The following PARVB variants were observed in gnomAD, a reference collection of about 807,000 sequenced individuals.
The protein encoded by PARVB is parvin beta, also known as beta-parvin.
A neutral mutation model predicts 47.0 loss-of-function variants in PARVB; 46 were observed. The observed-to-expected ratio is 0.98, with a 90% CI of 0.77 to 1.25. The LOEUF (loss-of-function observed/expected upper bound fraction) is 1.25, where lower values mean the gene tolerates loss of function less well. Among genes scored for constraint, PARVB ranks in the 50% most tolerant of loss-of-function variants. The pLI, the probability that PARVB is intolerant of heterozygous loss-of-function variation, is 0.00. For missense variants in PARVB, 473 were observed against 471.6 expected, an observed-to-expected ratio of 1.00 and a Z score of -0.03; for synonymous variants, 196 against 196.3, an observed-to-expected ratio of 1.00 and a Z score of 0.01.
At chr22:44,121,298 A>G (rs2053041883) in intron 4 of PARVB, among the ~76,000 whole-genome samples, 1 of 152,144 alleles carries the variant, frequency 6.6e-6, no homozygotes, top group Non-Finnish European at 1.5e-5. Context: ...TACCATGCTC[A>G]GCCCTTCTTT....
intron 1 of PARVB, among the ~76,000 whole-genome samples, chr22:44,082,004 A>C (rs1312112320): frequency 6.6e-6 from 1 of 152,226 alleles, no homozygotes; most frequent in Admixed American, 6.5e-5. Context: ...CTTGCGTCGA[A>C]GGACTTGCTA....
chr22:44,118,289 A>T (rs1293686654), intron 3 of PARVB, among the ~76,000 whole-genome samples: 1 of 152,254 alleles, frequency 6.6e-6, no homozygotes, highest in African/African-American at 2.4e-5. Flanking sequence ...GCTCAGTGAA[A>T]GAAGCCACAC....
At chr22:44,074,801 G>A (rs528912103) in intron 1 of PARVB, among the ~76,000 whole-genome samples, 57 of 152,344 alleles carry the variant, frequency 3.7e-4, no homozygotes, top group Non-Finnish European at 5.3e-4. Context: ...GTGCCAGCAC[G>A]CAGTGCAACA....
chr22:44,007,780 C>T (rs2050481266), intron 2 of PARVB, among the ~76,000 whole-genome samples: 1 of 152,184 alleles, frequency 6.6e-6, no homozygotes, highest in African/African-American at 2.4e-5. Context: ...CTCCAGAACT[C>T]TTTCATTCCG....
At chr22:44,090,635 A>C (rs1168538143) in intron 1 of PARVB, among the ~76,000 whole-genome samples, 1 of 152,214 alleles carries the variant, frequency 6.6e-6, no homozygotes, top group Non-Finnish European at 1.5e-5. Flanking sequence ...AGGCCCAGGC[A>C]CATGGGTGCA....
chr22:44,154,616 TTATG>T (rs912036835), intron 10 of PARVB, among the ~76,000 whole-genome samples: 2 of 147,060 alleles, frequency 1.4e-5, no homozygotes, highest in Non-Finnish European at 3.0e-5. Flanking sequence ...TGTGTGTGGT[TTATG>T]TAGTCTGTGT....
rs749531661 is a variant in PARVB, at chr22:44,147,904, G to A, written c.756G>A (p.Lys252=). 18 of 1,613,924 alleles carry A rather than the reference G, an allele frequency of 1.1e-5. No individual in the cohort carries two copies. Among genetic ancestry groups the A allele is most frequent in the South Asian group, 2.2e-5 (2 of 91,058 alleles). Residue 252 remains lysine (K), a synonymous_variant, in exon 9 of 13, where the codon AAG becomes AAA. Transcript: ENST00000338758. ...CGCTGTTCGACCACGCCCCGGATAA[G>A]CTCAGCGTGGTGAAGAAGGTGAGCT... ...FDTLFDHAPD[K]LSVVKKSLIT... is the part of the protein sequence containing the mutation.
In PARVB at chr22:44,168,958, G is replaced by A. The variant is rs113398890; in HGVS notation, c.*280G>A. On this transcript the variant is annotated 3_prime_UTR_variant, in exon 13 of 13. Coordinates refer to ENST00000338758, the MANE Select transcript of PARVB (RefSeq NM_013327.5). ...GTTTGAAGCCTCGCGTCACTCAGTCGCGTGGGATGATGAGTCCGTTGTTGT... is the reference window on the plus strand; with the variant it reads ...GTTTGAAGCCTCGCGTCACTCAGTCACGTGGGATGATGAGTCCGTTGTTGT... 1.3e-3 allele frequency: 477 copies of A among 369,076 alleles called. 2 individuals are homozygous for A. Among genetic ancestry groups the A allele is most frequent in the African/African-American group, 5.6e-3 (273 of 48,836 alleles). 22.9% of individuals were successfully genotyped at this position (369,076 alleles called of 1,614,324 possible).
At position 44,065,859 on chromosome 22, in the gene PARVB, A is replaced by ATGTGTGTG. The variant is rs139664039; in HGVS notation, c.113-28055_113-28048dup. ...TATTCCATGGTGTGTGTGTGTGTGC[A>ATGTGTGTG]TGTGTGTGTGTGTGTGTGTGTATAC... On this transcript the variant is annotated intron_variant, in intron 1 of 12. Transcript: ENST00000338758. Among the ~76,000 whole-genome samples the ATGTGTGTG allele has an allele frequency of 8.3e-3, 1,201 of 144,612 alleles. 5 individuals are homozygous for ATGTGTGTG. The highest frequency in any genetic ancestry group is 0.013 in the Non-Finnish European group (879 of 65,272). 94.9% of individuals were successfully genotyped at this position (144,612 alleles called of 152,430 possible).
At chr22:44,099,509 T>A (rs893674894) in intron 2 of PARVB, among the ~76,000 whole-genome samples, 12 of 149,336 alleles carry the variant, frequency 8.0e-5, no homozygotes, top group African/African-American at 2.9e-4. Flanking sequence ...GTTTTGCTGT[T>A]ACACATCATC....
chr22:44,159,607 G>A (rs1011344437), intron 11 of PARVB, among the ~76,000 whole-genome samples: 6 of 152,208 alleles, frequency 3.9e-5, no homozygotes, highest in South Asian at 2.1e-4. Flanking sequence ...ACTCTCCTTC[G>A]GAGGATGGGA....
chr22:44,158,207 A>G (rs1051076648), intron 11 of PARVB, 124 bp downstream of exon 11: 1 of 641,100 alleles, frequency 1.6e-6, no homozygotes, highest in Non-Finnish European at 2.8e-6. Context: ...AAAAATGCAC[A>G]AGTGATATTG....
At chr22:44,095,583 C>T (rs934778890) in intron 2 of PARVB, among the ~76,000 whole-genome samples, 2 of 152,190 alleles carry the variant, frequency 1.3e-5, no homozygotes, top group East Asian at 1.9e-4. Flanking sequence ...CAGAGCTGCC[C>T]GCGGCCTGGG....
intron 2 of PARVB, chr22:43,999,713 G>C (rs375299397): frequency 6.8e-7 from 1 of 1,468,332 alleles, no homozygotes; most frequent in Non-Finnish European, 9.5e-7. Flanking sequence ...GTGGATGAGG[G>C]CTGGGTGCAG....
At chr22:44,124,032 C>CCA (rs2053132459) in intron 4 of PARVB, among the ~76,000 whole-genome samples, 1 of 152,232 alleles carries the variant, frequency 6.6e-6, no homozygotes, top group Non-Finnish European at 1.5e-5. Context: ...GGTACCCCAT[C>CCA]CACCCCAAGT....
chr22:44,116,613 A>T lies in PARVB; in HGVS notation c.274-2425A>T, dbSNP rs138677011. ...AAGTGCTGGTGCTGCGGACAGAGCC[A>T]CAGACAAGCCGGTCATAGCTTCTGG... On this transcript the variant is annotated intron_variant, in intron 3 of 12. Transcript: ENST00000338758. Among the ~76,000 whole-genome samples the T allele has an allele frequency of 2.1e-3, 321 of 152,338 alleles. 2 individuals carry two copies. Among genetic ancestry groups the T allele is most frequent in the African/African-American group, 7.3e-3 (305 of 41,580 alleles).
upstream of PARVB, among the ~76,000 whole-genome samples, chr22:44,022,563 A>AGC (rs2050662269): frequency 6.6e-6 from 1 of 151,888 alleles, no homozygotes; most frequent in Non-Finnish European, 1.5e-5. Context: ...GACCAACAGA[A>AGC]ACATGTACTG....
chr22:44,012,143 T>C (rs1287178362), intron 2 of PARVB, among the ~76,000 whole-genome samples: 1 of 152,228 alleles, frequency 6.6e-6, no homozygotes, highest in Non-Finnish European at 1.5e-5. Flanking sequence ...TTTTCCCCCA[T>C]GGAAGACTAG....
chr22:44,023,408 G>A (rs541920046), upstream of PARVB, among the ~76,000 whole-genome samples: 2 of 152,168 alleles, frequency 1.3e-5, no homozygotes, highest in East Asian at 1.9e-4. Flanking sequence ...CTACTCAGGA[G>A]GCTGAGACAG....
Sources: gnomAD v4.1 joint callset for allele counts (sites outside exome capture counted in the v4.1 genomes callset) on GRCh38, gnomAD v4.1.1 for gene constraint, MANE v1.5 for transcripts, NCBI Gene and HGNC (gene_info 2026-07-23, HGNC 2026-07-21) for gene names.